TRIP12: variants seen among roughly 807,000 people sequenced by gnomAD.
TRIP12 encodes the protein thyroid hormone receptor interactor 12.
A neutral mutation model predicts 244.2 loss-of-function variants in TRIP12; 25 were observed. The observed-to-expected ratio is 0.10, with a 90% CI of 0.07 to 0.14. TRIP12 has a LOEUF of 0.14. TRIP12 is among the 10% of genes least tolerant of loss of function. The pLI, the probability that TRIP12 is intolerant of heterozygous loss-of-function variation, is 1.00. For synonymous variants in TRIP12, 905 were observed against 873.1 expected, an observed-to-expected ratio of 1.04 and a Z score of -0.64; for missense variants, 1,677 against 2,486.4, an observed-to-expected ratio of 0.67 and a Z score of 6.92.
intron 21 of TRIP12, among the ~76,000 whole-genome samples, chr2:229,800,136 T>C (rs1266807877): frequency 6.6e-6 from 1 of 152,234 alleles, no homozygotes. Flanking sequence ...TTAGTGTTCA[T>C]GTTGTCAAAA....
intron 4 of TRIP12, among the ~76,000 whole-genome samples, chr2:229,843,606 T>C (rs1029466709): frequency 3.9e-5 from 6 of 152,154 alleles, no homozygotes; most frequent in African/African-American, 1.2e-4. Flanking sequence ...AGGCTGGATA[T>C]AGTGGCTCAT....
At chr2:229,800,172 C>G (rs1357816906) in intron 21 of TRIP12, among the ~76,000 whole-genome samples, 3 of 152,086 alleles carry the variant, frequency 2.0e-5, no homozygotes, top group Non-Finnish European at 4.4e-5. Flanking sequence ...AACATACTAC[C>G]CAAAGTAATT....
chr2:229,846,258 CAA>C (rs2057561490), intron 4 of TRIP12, among the ~76,000 whole-genome samples: 1 of 151,996 alleles, frequency 6.6e-6, no homozygotes, highest in Non-Finnish European at 1.5e-5. Flanking sequence ...TTCGTGGAAG[CAA>C]AAGTCAATCA....
rs1460687892 is a variant in TRIP12 at position 229,808,383 on chromosome 2, C to A, written c.2222-14G>T. 2 of 1,575,950 alleles carry A rather than the reference C, an allele frequency of 1.3e-6. No individual in the cohort carries two copies. Among genetic ancestry groups the A allele is most frequent in the Admixed American group, 1.7e-5 (1 of 59,272 alleles). On this transcript the variant is annotated splice_polypyrimidine_tract_variant and intron_variant, in intron 15 of 41. Transcript: ENST00000675903. ...TTTCTGCAATGTCTGTAAAAACCAA[C>A]AACAAAAAACAAAAGGCTATTAAAC...
intron 1 of TRIP12, chr2:229,921,377 C>G (rs34360232): frequency 6.6e-6 from 1 of 152,626 alleles, no homozygotes; most frequent in Non-Finnish European, 1.5e-5. Flanking sequence ...TCCACGGCCC[C>G]GGAGCCTCCC....
intron 2 of TRIP12, among the ~76,000 whole-genome samples, chr2:229,872,103 G>GAAAA (rs1202088343): frequency 3.1e-5 from 1 of 31,808 alleles, no homozygotes; most frequent in Non-Finnish European, 7.3e-5. Context: ...GACAGATATT[G>GAAAA]TAAAAAAAAA....
intron 2 of TRIP12, among the ~76,000 whole-genome samples, chr2:229,863,919 C>G (rs1297617412): frequency 3.3e-5 from 5 of 150,544 alleles, no homozygotes; most frequent in Non-Finnish European, 7.4e-5. Context: ...ATTTGTAGAA[C>G]AGTATAGTAA....
intron 2 of TRIP12, among the ~76,000 whole-genome samples, chr2:229,869,227 A>T (rs1028836994): frequency 9.2e-5 from 14 of 152,248 alleles, no homozygotes; most frequent in African/African-American, 3.1e-4. Flanking sequence ...TCCTTACTCC[A>T]ATCATGTTTT....
chr2:229,911,442 T>C (rs1026449925), intron 1 of TRIP12, among the ~76,000 whole-genome samples: 1 of 152,174 alleles, frequency 6.6e-6, no homozygotes, highest in Non-Finnish European at 1.5e-5. Flanking sequence ...TAAAATCCTG[T>C]ATACATACTT....
intron 38 of TRIP12, among the ~76,000 whole-genome samples, chr2:229,771,948 A>G (rs2034498978): frequency 6.6e-6 from 1 of 152,252 alleles, no homozygotes. Context: ...ATCAAATGAG[A>G]ATTTCCCAAG....
intron 1 of TRIP12, among the ~76,000 whole-genome samples, chr2:229,899,195 TCCAC>T (rs2069847098): frequency 6.6e-6 from 1 of 152,116 alleles, no homozygotes; most frequent in Non-Finnish European, 1.5e-5. Context: ...GCTCAAGCAA[TCCAC>T]CCACCTTGGC....
chr2:229,898,274 T>G (rs78822506), intron 1 of TRIP12, among the ~76,000 whole-genome samples: 6,572 of 152,248 alleles, frequency 0.043, 477 homozygotes, highest in African/African-American at 0.15. Context: ...TTTTTACACC[T>G]CCAAATTGAC....
At chr2:229,854,534 G>C (rs564194318) in intron 4 of TRIP12, among the ~76,000 whole-genome samples, 1 of 151,980 alleles carries the variant, frequency 6.6e-6, no homozygotes. Flanking sequence ...CCCATTTTAC[G>C]GAGAACAAGT....
chr2:229,829,300 A>C lies in TRIP12; in HGVS notation c.1355-12T>G. On this transcript the variant is annotated splice_polypyrimidine_tract_variant and intron_variant, in intron 7 of 41. Transcript: ENST00000675903. ...TGCCTCTAACAAAGCTAAAGAAAAA[A>C]GAAGGGCAGAGTGAACAACTAAGAT... 1 of 1,606,182 alleles carries C rather than the reference A, an allele frequency of 6.2e-7. No individual in the cohort carries two copies.
intron 4 of TRIP12, among the ~76,000 whole-genome samples, chr2:229,850,716 A>G (rs2058494952): frequency 6.6e-6 from 1 of 152,128 alleles, no homozygotes; most frequent in Non-Finnish European, 1.5e-5. Flanking sequence ...GGAGGTGTGG[A>G]GGGAGAGGCG....
chr2:229,799,232 C>T (rs1361446774), intron 22 of TRIP12, 51 bp downstream of exon 22: 3 of 1,594,944 alleles, frequency 1.9e-6, no homozygotes, highest in Admixed American at 3.3e-5. Flanking sequence ...CATTTCTGCA[C>T]CTGCTACCAC....
At chr2:229,855,769 TG>T (rs2059502630) in intron 4 of TRIP12, among the ~76,000 whole-genome samples, 2 of 152,256 alleles carry the variant, frequency 1.3e-5, no homozygotes, top group Non-Finnish European at 2.9e-5. Flanking sequence ...AGGCTGGGCA[TG>T]GTGGCTCAGG....
chr2:229,905,088 A>T (rs2072313358), intron 1 of TRIP12, among the ~76,000 whole-genome samples: 1 of 152,180 alleles, frequency 6.6e-6, no homozygotes, highest in South Asian at 2.1e-4. Flanking sequence ...CTGCCTGACC[A>T]ACATGGAGAA....
At chr2:229,821,173 G>A (rs1421840091) in intron 8 of TRIP12, among the ~76,000 whole-genome samples, 1 of 152,142 alleles carries the variant, frequency 6.6e-6, no homozygotes, top group African/African-American at 2.4e-5. Context: ...ATGTGGCAGT[G>A]AAAAACACAA....
Sources: allele counts gnomAD v4.1 joint callset (sites outside exome capture counted in the v4.1 genomes callset), GRCh38; gene constraint gnomAD v4.1.1; transcripts MANE v1.5; gene names NCBI Gene and HGNC (gene_info 2026-07-23, HGNC 2026-07-21).